Variants in LRRC8C observed in about 807,000 individuals in gnomAD.
The protein encoded by LRRC8C is leucine rich repeat containing 8 VRAC subunit C.
A neutral mutation model predicts 55.3 loss-of-function variants in LRRC8C; 20 were observed. That is an observed-to-expected ratio of 0.36 (90% CI 0.25 to 0.53). The LOEUF is 0.53. Among genes scored for constraint, LRRC8C ranks in the 20% least tolerant of loss-of-function variants. The probability of loss-of-function intolerance (pLI) is 0.92; values close to 1 mark genes in which losing one functional copy is unlikely to be tolerated. For missense variants in LRRC8C, 659 were observed against 951.4 expected (o/e 0.69, Z 4.04); for synonymous variants, 376 against 360.7 (o/e 1.04, Z -0.48).
At chr1:89,700,289 T>A (rs1260277589) in intron 2 of LRRC8C, among the ~76,000 whole-genome samples, 3 of 152,168 alleles carry the variant, frequency 2.0e-5, no homozygotes, top group Non-Finnish European at 4.4e-5. Context: ...CTACCCTGCT[T>A]ACTCCAAGCC....
At chr1:89,656,246 A>T (rs180683679) in intron 1 of LRRC8C, among the ~76,000 whole-genome samples, 60 of 152,300 alleles carry the variant, frequency 3.9e-4, no homozygotes, top group Non-Finnish European at 6.5e-4. Flanking sequence ...CATCCTGTAG[A>T]CCCTATAAAG....
intron 1 of LRRC8C, among the ~76,000 whole-genome samples, chr1:89,643,862 A>G (rs1374305825): frequency 1.3e-5 from 2 of 152,228 alleles, no homozygotes; most frequent in Admixed American, 6.5e-5. Context: ...GGCTTCTGAC[A>G]TACACGGTAC....
chr1:89,666,164 G>A (rs984973776), intron 1 of LRRC8C, among the ~76,000 whole-genome samples: 7 of 152,092 alleles, frequency 4.6e-5, no homozygotes, highest in Admixed American at 3.3e-4. Flanking sequence ...TGACCCAAAT[G>A]ATCAATGATT....
chr1:89,711,696 A>G (rs1427632954), intron 2 of LRRC8C, among the ~76,000 whole-genome samples: 1 of 152,208 alleles, frequency 6.6e-6, no homozygotes, highest in Non-Finnish European at 1.5e-5. Flanking sequence ...CAATTTTTTG[A>G]GTCTGCTGGA....
chr1:89,693,801 C>T (rs568532194), intron 2 of LRRC8C, among the ~76,000 whole-genome samples: 41 of 151,828 alleles, frequency 2.7e-4, no homozygotes, highest in African/African-American at 9.9e-4. Context: ...GGTTTACAAG[C>T]ATGCACCACC....
intron 1 of LRRC8C, among the ~76,000 whole-genome samples, chr1:89,667,347 AC>A (rs1657297562): frequency 6.6e-6 from 1 of 151,648 alleles, no homozygotes; most frequent in African/African-American, 2.4e-5. Flanking sequence ...CTCTATCCAA[AC>A]TCCTTATTCC....
intron 1 of LRRC8C, among the ~76,000 whole-genome samples, chr1:89,672,453 A>C (rs1657447964): frequency 6.6e-6 from 1 of 152,230 alleles, no homozygotes. Context: ...AATACCTTGC[A>C]GATAGAGCTA....
the LRRC8C span, among the ~76,000 whole-genome samples, chr1:89,616,911 T>C: frequency 6.6e-6 from 1 of 152,222 alleles, no homozygotes; most frequent in East Asian, 1.9e-4. Flanking sequence ...TGTGTCTTCA[T>C]AAGCTTATGT....
intron 1 of LRRC8C, among the ~76,000 whole-genome samples, chr1:89,643,545 A>C (rs1432221605): frequency 6.6e-6 from 1 of 152,246 alleles, no homozygotes; most frequent in Non-Finnish European, 1.5e-5. Context: ...ATGATAGTGG[A>C]GTTATATACA....
chr1:89,715,822 A>G lies in LRRC8C; in HGVS notation c.*840A>G, dbSNP rs1388481434. The G allele has an allele frequency of 6.6e-6, 1 of 152,182 alleles. No individual in the cohort carries two copies. The highest frequency in any genetic ancestry group is 1.5e-5 in the Non-Finnish European group (1 of 68,026). The allele number at this position is 152,182 out of a possible 1,614,324, so 9.4% of individuals were successfully genotyped here. ...AGAAGCCTGGTTTTTGAGTAATTTA[A>G]TCATCTTTCATATCTTGATATGCAG... is the stretch of plus-strand genomic sequence containing the variant. On this transcript the variant is annotated 3_prime_UTR_variant, in exon 3 of 3. Coordinates refer to ENST00000370454, the MANE Select transcript of LRRC8C (RefSeq NM_032270.5).
At chr1:89,704,618 G>A (rs1658420569) in intron 2 of LRRC8C, among the ~76,000 whole-genome samples, 1 of 152,142 alleles carries the variant, frequency 6.6e-6, no homozygotes. Flanking sequence ...TAGGAAAAGG[G>A]AAAGGGAGGA....
In LRRC8C at chr1:89,714,448, T is replaced by C; in HGVS notation, c.1878T>C (p.Ser626=). 1.2e-6 allele frequency: 2 copies of C among 1,614,192 alleles called. No homozygotes were observed. The highest frequency in any genetic ancestry group is 1.6e-4 in the Middle Eastern group (1 of 6,062). The change falls in exon 3 of 3, where the codon TCT becomes TCC. Residue 626 remains serine (S), a synonymous_variant. Transcript: ENST00000370454. The surrounding 1 kb of genome is among the most constrained non-coding windows in gnomAD (Gnocchi z 4.6). ...ACCTGAAGGAAAACAATCTGAAATC[T>C]ATAGAAGAAATCGTTAGCTTTCAGC... ...ELDLKENNLK[S]IEEIVSFQHL... is the part of the protein sequence containing the mutation.
chr1:89,705,317 A>G (rs1463039522), intron 2 of LRRC8C, among the ~76,000 whole-genome samples: 3 of 150,338 alleles, frequency 2.0e-5, no homozygotes, highest in African/African-American at 7.4e-5. Context: ...AGATATACCT[A>G]ATACTAGATG....
chr1:89,716,712 T>C lies in LRRC8C; in HGVS notation c.*1730T>C, dbSNP rs1658832953. The C allele has an allele frequency of 1.3e-5, 2 of 152,166 alleles. No individual in the cohort carries two copies. Among genetic ancestry groups the C allele is most frequent in the African/African-American group, 4.8e-5 (2 of 41,432 alleles). The allele number at this position is 152,166 out of a possible 1,614,324, so 9.4% of individuals were successfully genotyped here. On this transcript the variant is annotated 3_prime_UTR_variant, in exon 3 of 3. Transcript: ENST00000370454. Reference sequence around the variant, plus strand: ...TGAGCTCTAGACTGATCGTAGTAAGTTTTGTGACTTAACAATGAAAGAAAG... The same window carrying C: ...TGAGCTCTAGACTGATCGTAGTAAGCTTTGTGACTTAACAATGAAAGAAAG...
At chr1:89,651,861 G>A (rs1656794469) in intron 1 of LRRC8C, among the ~76,000 whole-genome samples, 2 of 152,038 alleles carry the variant, frequency 1.3e-5, no homozygotes, top group African/African-American at 4.8e-5. Context: ...TTTGTTAAAG[G>A]TCACTAAATT....
chr1:89,672,663 C>G (rs1301864384), intron 1 of LRRC8C, among the ~76,000 whole-genome samples: 1 of 152,150 alleles, frequency 6.6e-6, no homozygotes, highest in East Asian at 1.9e-4. Context: ...ACCCCCATTC[C>G]CCTACATCCC....
rs1186397917 is a variant in LRRC8C, at chr1:89,715,868, T to C, written c.*886T>C. 1 of 152,054 alleles carries C rather than the reference T, an allele frequency of 6.6e-6. No homozygotes were observed. The highest frequency in any genetic ancestry group is 1.5e-5 in the Non-Finnish European group (1 of 67,994). 9.4% of individuals were successfully genotyped at this position (152,054 alleles called of 1,614,324 possible). On this transcript the variant is annotated 3_prime_UTR_variant, in exon 3 of 3. Transcript: ENST00000370454. The stretch of plus-strand genomic sequence containing the variant: ...TGCAGCTGCATCAGATGGAAAAAAA[T>C]TTACTAAAGCACCCTGTTAAAGAGC...
At chr1:89,652,780 C>A (rs1013124773) in intron 1 of LRRC8C, among the ~76,000 whole-genome samples, 1 of 152,018 alleles carries the variant, frequency 6.6e-6, no homozygotes. Flanking sequence ...TGGCAAGTTA[C>A]GGGGTCGCAG....
At chr1:89,709,945 G>A (rs1658602575) in intron 2 of LRRC8C, among the ~76,000 whole-genome samples, 2 of 151,986 alleles carry the variant, frequency 1.3e-5, no homozygotes, top group African/African-American at 4.8e-5. Context: ...TAGAGACGGG[G>A]TTTCACCGTG....
Sources: gnomAD v4.1 joint callset for allele counts (sites outside exome capture counted in the v4.1 genomes callset) on GRCh38, gnomAD v4.1.1 for gene constraint, Gnocchi (gnomAD v3.1) non-coding constraint, MANE v1.5 for transcripts, NCBI Gene and HGNC (gene_info 2026-07-23, HGNC 2026-07-21) for gene names.